Variants in CACNA2D3 observed in about 807,000 individuals in gnomAD.
CACNA2D3 encodes the protein calcium voltage-gated channel auxiliary subunit alpha2delta 3.
A neutral mutation model predicts 160.6 loss-of-function variants in CACNA2D3; 60 were observed. The observed-to-expected ratio is 0.37, with a 90% CI of 0.30 to 0.46. CACNA2D3 has a LOEUF of 0.46. Among genes scored for constraint, CACNA2D3 ranks in the 20% least tolerant of loss-of-function variants. The pLI, the probability that CACNA2D3 is intolerant of heterozygous loss-of-function variation, is 1.00. For synonymous variants in CACNA2D3, 558 were observed against 492.9 expected (o/e 1.13, Z -1.75); for missense variants, 1,205 against 1,365.0 (o/e 0.88, Z 1.85).
At chr3:55,007,076 G>C (rs1703113205) in intron 32 of CACNA2D3, among the ~76,000 whole-genome samples, 1 of 152,014 alleles carries the variant, frequency 6.6e-6, no homozygotes, top group African/African-American at 2.4e-5. Context: ...GGGGAGACTT[G>C]GTATTTTCCA....
chr3:54,534,151 G>A (rs570454957), intron 5 of CACNA2D3, among the ~76,000 whole-genome samples: 2 of 152,234 alleles, frequency 1.3e-5, no homozygotes, highest in South Asian at 4.2e-4. Flanking sequence ...GGCTGTGATT[G>A]CCTCTTAAGT....
intron 11 of CACNA2D3, among the ~76,000 whole-genome samples, chr3:54,736,130 TGTATATATATACACAC>T (rs1701524963): frequency 1.6e-5 from 1 of 62,228 alleles, no homozygotes; most frequent in African/African-American, 7.0e-5. Context: ...CATATATATA[TGTATATATATACACAC>T]ACACACACAC....
chr3:54,821,630 TA>T (rs1703593247), intron 14 of CACNA2D3, among the ~76,000 whole-genome samples: 1 of 150,814 alleles, frequency 6.6e-6, no homozygotes, highest in Non-Finnish European at 1.5e-5. Context: ...TTCGTTTTTC[TA>T]GAGTCTTTCG....
chr3:54,523,883 T>C lies in CACNA2D3; in HGVS notation c.544+20229T>C, dbSNP rs1216241527. ...TTCAGATTCTGGTAATTTGAGTTTT[T>C]CTTTCTTTTTCGTGTTTAATCTAGC... is the stretch of plus-strand genomic sequence containing the variant. On this transcript the variant is annotated intron_variant, in intron 5 of 37. Transcript: ENST00000474759. 1.3e-5 allele frequency among the ~76,000 whole-genome samples: 2 copies of C among 152,012 alleles called. 1 individual carries two copies. Among genetic ancestry groups the C allele is most frequent in the Admixed American group, 1.3e-4 (2 of 15,242 alleles).
At chr3:54,967,065 C>T (rs928591252) in intron 27 of CACNA2D3, 7 of 152,192 alleles carry the variant, frequency 4.6e-5, no homozygotes, top group Admixed American at 4.6e-4. Context: ...GCCTGGGCAC[C>T]GACATGGTGC....
At chr3:54,626,217 G>C in intron 9 of CACNA2D3, 2 of 886,778 alleles carry the variant, frequency 2.3e-6, no homozygotes, top group Non-Finnish European at 3.7e-6. Flanking sequence ...CCGGCAAGAT[G>C]GCAGAAGTAG....
At chr3:54,694,896 T>C (rs1298445637) in intron 11 of CACNA2D3, among the ~76,000 whole-genome samples, 1 of 152,222 alleles carries the variant, frequency 6.6e-6, no homozygotes, top group African/African-American at 2.4e-5. Flanking sequence ...ATAGTTAAAA[T>C]CCCAATGTAG....
chr3:54,818,103 T>G (rs1703498799), intron 14 of CACNA2D3, among the ~76,000 whole-genome samples: 1 of 152,222 alleles, frequency 6.6e-6, no homozygotes, highest in African/African-American at 2.4e-5. Flanking sequence ...TGACATTTAT[T>G]CATCAAATTT....
Position 54,609,496 on chromosome 3 carries a change from T to G in CACNA2D3, c.964-18291T>G, listed in dbSNP as rs114399102. ...TGGAAACCTGGCATCTAACCATGTT[T>G]CTTAGAAAGAGCAAGTTCATAGCAT... On this transcript the variant is annotated intron_variant, in intron 9 of 37. Transcript: ENST00000474759. Among the ~76,000 whole-genome samples, 305 of 152,314 alleles carry G rather than the reference T, an allele frequency of 2.0e-3. 2 individuals carry two copies. The highest frequency in any genetic ancestry group is 7.0e-3 in the African/African-American group (290 of 41,568).
intron 13 of CACNA2D3, among the ~76,000 whole-genome samples, chr3:54,783,298 C>G (rs1702568664): frequency 6.6e-6 from 1 of 152,034 alleles, no homozygotes; most frequent in South Asian, 2.1e-4. Context: ...ATGGTACCCA[C>G]TTTGAGATAT....
intron 2 of CACNA2D3, among the ~76,000 whole-genome samples, chr3:54,263,921 T>C (rs1011542376): frequency 1.3e-5 from 2 of 152,204 alleles, no homozygotes; most frequent in Non-Finnish European, 2.9e-5. Flanking sequence ...TCTTGCACTT[T>C]AGATGACATT....
At chr3:54,354,408 T>C (rs1331878139) in intron 3 of CACNA2D3, among the ~76,000 whole-genome samples, 2 of 152,116 alleles carry the variant, frequency 1.3e-5, no homozygotes, top group Non-Finnish European at 2.9e-5. Context: ...TTATAAAGTA[T>C]GAAGGATTTT....
chr3:54,606,142 C>A (rs113152833), intron 9 of CACNA2D3, among the ~76,000 whole-genome samples: 1,812 of 131,744 alleles, frequency 0.014, 42 homozygotes, highest in African/African-American at 0.053. Context: ...TGTAATGTAA[C>A]TTTATATATA....
chr3:54,754,722 T>C (rs886236684), intron 12 of CACNA2D3, among the ~76,000 whole-genome samples: 1 of 152,292 alleles, frequency 6.6e-6, no homozygotes, highest in South Asian at 2.1e-4. Flanking sequence ...TAAATGGGTC[T>C]CCTAAGCCAT....
intron 11 of CACNA2D3, among the ~76,000 whole-genome samples, chr3:54,734,484 GA>G (rs1462721233): frequency 2.0e-5 from 3 of 152,134 alleles, no homozygotes; most frequent in Non-Finnish European, 4.4e-5. Flanking sequence ...AAGATGTGGG[GA>G]AAAGATGAAA....
chr3:54,302,099 A>G (rs943736027), intron 2 of CACNA2D3, among the ~76,000 whole-genome samples: 1 of 152,198 alleles, frequency 6.6e-6, no homozygotes, highest in Non-Finnish European at 1.5e-5. Context: ...AACAGCACCA[A>G]GCTGAGATGT....
chr3:54,174,229 T>C (rs1438818737), intron 2 of CACNA2D3, among the ~76,000 whole-genome samples: 2 of 152,184 alleles, frequency 1.3e-5, no homozygotes, highest in African/African-American at 4.8e-5. Context: ...TGATCCCTGC[T>C]GTAGGATGTG....
At chr3:54,133,037 A>G (rs188512921) in intron 2 of CACNA2D3, among the ~76,000 whole-genome samples, 1 of 152,264 alleles carries the variant, frequency 6.6e-6, no homozygotes, top group East Asian at 1.9e-4. Flanking sequence ...CATACCAGCA[A>G]GTGTTGGTTG....
intron 13 of CACNA2D3, among the ~76,000 whole-genome samples, chr3:54,780,761 G>A (rs920993881): frequency 2.6e-5 from 4 of 152,124 alleles, no homozygotes; most frequent in African/African-American, 4.8e-5. Flanking sequence ...TGAAGAAGAC[G>A]CTAAGAAATC....
Sources: gnomAD v4.1 joint callset for allele counts (sites outside exome capture counted in the v4.1 genomes callset) on GRCh38, gnomAD v4.1.1 for gene constraint, MANE v1.5 for transcripts, NCBI Gene and HGNC (gene_info 2026-07-23, HGNC 2026-07-21) for gene names.